Variants in ADAMTS19 observed in about 807,000 individuals in gnomAD.
ADAMTS19 encodes A disintegrin and metalloproteinase with thrombospondin motifs 19.
ADAMTS19 carries 93 observed loss-of-function variants against 153.3 expected under a neutral mutation model. The observed-to-expected ratio is 0.61, with a 90% CI of 0.51 to 0.72. ADAMTS19 has a LOEUF of 0.72. Among genes scored for constraint, ADAMTS19 ranks in the 30% least tolerant of loss-of-function variants. The pLI is 0.00. For synonymous variants in ADAMTS19, 600 were observed against 556.6 expected, an observed-to-expected ratio of 1.08 and a Z score of -1.10; for missense variants, 1,482 against 1,552.1, an observed-to-expected ratio of 0.95 and a Z score of 0.76.
intron 3 of ADAMTS19, among the ~76,000 whole-genome samples, chr5:129,516,049 G>A (rs1187371912): frequency 2.0e-5 from 3 of 151,694 alleles, no homozygotes; most frequent in Non-Finnish European, 4.4e-5. Flanking sequence ...ATGATCATAT[G>A]GTTTTCTCCT....
At chr5:129,620,132 T>C (rs913056463) in intron 8 of ADAMTS19, among the ~76,000 whole-genome samples, 1 of 151,962 alleles carries the variant, frequency 6.6e-6, no homozygotes, top group Admixed American at 6.6e-5. Flanking sequence ...ATTTGTGCTA[T>C]ATGATGTGGG....
chr5:129,693,489 T>C (rs907551609), intron 18 of ADAMTS19, among the ~76,000 whole-genome samples: 18 of 152,168 alleles, frequency 1.2e-4, no homozygotes, highest in African/African-American at 4.3e-4. Flanking sequence ...TCTTACTTCT[T>C]CATGATCAAT....
intron 10 of ADAMTS19, 146 bp from the exon 11 acceptor site, chr5:129,641,711 TAC>T: frequency 4.2e-6 from 2 of 473,684 alleles, no homozygotes; most frequent in Non-Finnish European, 7.6e-6. Context: ...CTATTTCAAT[TAC>T]AGATTTAATA....
intron 3 of ADAMTS19, among the ~76,000 whole-genome samples, chr5:129,518,809 C>T (rs898783094): frequency 1.3e-5 from 2 of 152,002 alleles, no homozygotes; most frequent in African/African-American, 4.8e-5. Flanking sequence ...TTCTTTAAGG[C>T]CAATAACTCT....
At chr5:129,607,305 T>C (rs954512019) in intron 8 of ADAMTS19, among the ~76,000 whole-genome samples, 7 of 152,250 alleles carry the variant, frequency 4.6e-5, no homozygotes, top group African/African-American at 1.7e-4. Flanking sequence ...TTTATACTGA[T>C]ATTTACCTAT....
chr5:129,545,064 T>G (rs1752805174), intron 6 of ADAMTS19, among the ~76,000 whole-genome samples: 1 of 151,988 alleles, frequency 6.6e-6, no homozygotes, highest in Non-Finnish European at 1.5e-5. Flanking sequence ...GATAACATAT[T>G]CCATTGTAAG....
At chr5:129,541,750 A>G (rs1237491417) in intron 6 of ADAMTS19, among the ~76,000 whole-genome samples, 2 of 151,948 alleles carry the variant, frequency 1.3e-5, no homozygotes, top group African/African-American at 4.8e-5. Context: ...CATATTAGAG[A>G]CGCTTAATGT....
chr5:129,679,598 G>A (rs1161821805), intron 16 of ADAMTS19, among the ~76,000 whole-genome samples, 166 bp from the exon 17 acceptor site: 1 of 152,218 alleles, frequency 6.6e-6, no homozygotes, highest in Non-Finnish European at 1.5e-5. Context: ...CATCTGCCAT[G>A]ATTGCAGACT....
At chr5:129,646,795 A>G (rs3909292) in intron 11 of ADAMTS19, among the ~76,000 whole-genome samples, 7,668 of 152,250 alleles carry the variant, frequency 0.05, 267 homozygotes, top group African/African-American at 0.1. Flanking sequence ...TAGGAGGATC[A>G]ACTTACTCAA....
chr5:129,529,771 G>A (rs1040560419), intron 6 of ADAMTS19, among the ~76,000 whole-genome samples: 9 of 152,126 alleles, frequency 5.9e-5, no homozygotes, highest in Non-Finnish European at 7.4e-5. Context: ...CTGACTGTAC[G>A]TGAGAACTTG....
intron 7 of ADAMTS19, among the ~76,000 whole-genome samples, chr5:129,589,800 A>G (rs886709690): frequency 3.3e-5 from 5 of 152,132 alleles, no homozygotes; most frequent in Admixed American, 3.3e-4. Flanking sequence ...ATTCAGTGGA[A>G]CATGTTTCCC....
chr5:129,731,117 C>A (rs1757425512), intron 21 of ADAMTS19, among the ~76,000 whole-genome samples: 2 of 152,022 alleles, frequency 1.3e-5, no homozygotes, highest in South Asian at 4.1e-4. Flanking sequence ...CACCACCACA[C>A]CTAGCTAATT....
chr5:129,694,215 C>A (rs1028055989), intron 18 of ADAMTS19, among the ~76,000 whole-genome samples: 1 of 152,114 alleles, frequency 6.6e-6, no homozygotes, highest in Non-Finnish European at 1.5e-5. Flanking sequence ...TATTACTCAT[C>A]CCTTTTAAGC....
At chr5:129,637,763 T>A (rs1561618990) in intron 10 of ADAMTS19, among the ~76,000 whole-genome samples, 1 of 152,150 alleles carries the variant, frequency 6.6e-6, no homozygotes, top group Non-Finnish European at 1.5e-5. Flanking sequence ...GAGAATCGCT[T>A]GAACCCGGGA....
At chr5:129,561,363 A>G (rs1753506867) in intron 7 of ADAMTS19, among the ~76,000 whole-genome samples, 1 of 152,096 alleles carries the variant, frequency 6.6e-6, no homozygotes, top group African/African-American at 2.4e-5. Flanking sequence ...CCCCGTCTCT[A>G]CTAAAAATAC....
intron 21 of ADAMTS19, among the ~76,000 whole-genome samples, chr5:129,709,112 G>A (rs569137984): frequency 1.3e-5 from 2 of 152,144 alleles, no homozygotes; most frequent in Non-Finnish European, 2.9e-5. Context: ...GACAAATGAA[G>A]AATCTAAAAA....
At chr5:129,708,590 C>CAAA (rs1174701520) in intron 21 of ADAMTS19, among the ~76,000 whole-genome samples, 2,704 of 61,816 alleles carry the variant, frequency 0.044, 23 homozygotes, top group East Asian at 0.057. Flanking sequence ...AGCAGAGAAG[C>CAAA]AAAAAAAAAA....
intron 20 of ADAMTS19, among the ~76,000 whole-genome samples, chr5:129,703,865 T>A (rs919392415): frequency 6.6e-6 from 1 of 152,166 alleles, no homozygotes; most frequent in African/African-American, 2.4e-5. Context: ...AATAAAAGAG[T>A]ACATCTTAGA....
At chr5:129,557,475 C>T (rs1159434769) in intron 7 of ADAMTS19, among the ~76,000 whole-genome samples, 4 of 152,050 alleles carry the variant, frequency 2.6e-5, no homozygotes, top group Non-Finnish European at 4.4e-5. Context: ...TGACACGCAC[C>T]TGTAATCCCA....
Sources: gnomAD v4.1 joint callset for allele counts (sites outside exome capture counted in the v4.1 genomes callset) on GRCh38, gnomAD v4.1.1 for gene constraint, MANE v1.5 for transcripts, NCBI Gene and HGNC (gene_info 2026-07-23, HGNC 2026-07-21) for gene names.